Variants in RBPJ observed in about 807,000 individuals in gnomAD.
RBPJ encodes recombination signal binding protein for immunoglobulin kappa J region.
A neutral mutation model predicts 67.8 loss-of-function variants in RBPJ; 9 were observed. That is an observed-to-expected ratio of 0.13 (90% confidence interval 0.08 to 0.23). The LOEUF (loss-of-function observed/expected upper bound fraction) is 0.23, where lower values mean the gene tolerates loss of function less well. RBPJ is among the 10% of genes least tolerant of loss of function. The pLI is 1.00. For synonymous variants in RBPJ, 198 were observed against 203.3 expected (o/e 0.97, Z 0.22); for missense variants, 305 against 595.6 (o/e 0.51, Z 5.08).
chr4:26,210,696 T>C (rs1203561772), intron 1 of RBPJ, among the ~76,000 whole-genome samples: 12 of 113,782 alleles, frequency 1.1e-4, no homozygotes, highest in South Asian at 3.1e-4. Flanking sequence ...CCTTTCTTTC[T>C]TTCTTTCTTT....
chr4:26,237,679 G>A (rs1719497375), intron 1 of RBPJ, among the ~76,000 whole-genome samples: 2 of 152,142 alleles, frequency 1.3e-5, no homozygotes, highest in Admixed American at 6.5e-5. Flanking sequence ...ATGATCACGA[G>A]AAAATCACTT....
the RBPJ span, among the ~76,000 whole-genome samples, chr4:26,146,354 A>C: frequency 2.0e-5 from 3 of 152,216 alleles, no homozygotes; most frequent in African/African-American, 7.2e-5. Flanking sequence ...AAAAAGATGA[A>C]CTTAGACCCT....
chr4:26,210,954 T>C (rs1718401050), intron 1 of RBPJ, among the ~76,000 whole-genome samples: 1 of 151,946 alleles, frequency 6.6e-6, no homozygotes, highest in Non-Finnish European at 1.5e-5. Context: ...ATTTTTCTCC[T>C]TAAGTAGTCC....
At chr4:26,287,673 AGAAAG>A (rs1403223874) in intron 1 of RBPJ, among the ~76,000 whole-genome samples, 5 of 112,424 alleles carry the variant, frequency 4.4e-5, no homozygotes, top group Non-Finnish European at 7.0e-5. Context: ...AGAAAAGAAA[AGAAAG>A]GAAAGGAAGG....
chr4:26,303,456 GAA>G (rs1722143435), intron 1 of RBPJ, among the ~76,000 whole-genome samples: 1 of 137,146 alleles, frequency 7.3e-6, no homozygotes, highest in Non-Finnish European at 1.6e-5. Flanking sequence ...AAAAAAAAAA[GAA>G]AGAAAAAAAA....
chr4:26,358,646 C>T (rs1277496714), intron 1 of RBPJ, among the ~76,000 whole-genome samples: 4 of 147,006 alleles, frequency 2.7e-5, no homozygotes, highest in African/African-American at 1.0e-4. Flanking sequence ...TAGTGGGGTA[C>T]GTGGTGCATG....
intron 1 of RBPJ, among the ~76,000 whole-genome samples, chr4:26,273,116 C>A (rs998711282): frequency 4.6e-5 from 7 of 152,196 alleles, no homozygotes; most frequent in African/African-American, 7.2e-5. Context: ...CAAGTTTACT[C>A]ATTTGCAGGA....
chr4:26,238,076 T>C (rs539875615), intron 1 of RBPJ, among the ~76,000 whole-genome samples: 2 of 152,288 alleles, frequency 1.3e-5, no homozygotes, highest in African/African-American at 4.8e-5. Context: ...CATTTGTTTG[T>C]TTTGAGACAG....
At chr4:26,371,132 C>T (rs1243359313) in intron 1 of RBPJ, among the ~76,000 whole-genome samples, 2 of 151,604 alleles carry the variant, frequency 1.3e-5, no homozygotes, top group African/African-American at 4.8e-5. Context: ...TTTTTTTCTC[C>T]ATCGTGGAAA....
At chr4:26,244,272 T>TATGTGTACAC (rs1719779281) in intron 1 of RBPJ, among the ~76,000 whole-genome samples, 1 of 18,112 alleles carries the variant, frequency 5.5e-5, no homozygotes, top group Non-Finnish European at 1.3e-4. Flanking sequence ...TGTGTACACA[T>TATGTGTACAC]ATATGTGTGT....
intron 1 of RBPJ, among the ~76,000 whole-genome samples, chr4:26,191,137 A>G: frequency 8.2e-6 from 1 of 122,162 alleles, no homozygotes. Flanking sequence ...GGGCAACGGA[A>G]TGAGACCCTG....
At chr4:26,111,340 A>C in the RBPJ span, among the ~76,000 whole-genome samples, 2 of 152,272 alleles carry the variant, frequency 1.3e-5, no homozygotes, top group South Asian at 2.1e-4. Context: ...TGAAGGGAAC[A>C]TGCTCCCTTC....
intron 1 of RBPJ, among the ~76,000 whole-genome samples, chr4:26,199,996 AG>A (rs1717924519): frequency 1.3e-5 from 2 of 152,148 alleles, no homozygotes; most frequent in African/African-American, 4.8e-5. Flanking sequence ...TTGATGATGG[AG>A]GCCGGTGCCA....
At chr4:26,401,099 ATAATAG>A (rs1314938024) in intron 2 of RBPJ, among the ~76,000 whole-genome samples, 1 of 152,208 alleles carries the variant, frequency 6.6e-6, no homozygotes, top group Non-Finnish European at 1.5e-5. Flanking sequence ...TTCTAAGGAA[ATAATAG>A]TAATAGCTCG....
chr4:26,227,744 T>C (rs16878195), intron 1 of RBPJ, among the ~76,000 whole-genome samples: 7,990 of 152,284 alleles, frequency 0.052, 706 homozygotes, highest in African/African-American at 0.18. Context: ...AATTCACCAG[T>C]GAAGAGCAGA....
chr4:26,155,529 G>A, the RBPJ span, among the ~76,000 whole-genome samples: 7 of 151,588 alleles, frequency 4.6e-5, no homozygotes, highest in Non-Finnish European at 7.4e-5. Flanking sequence ...CCACCTCCTG[G>A]GTTCAAGCGA....
intron 1 of RBPJ, among the ~76,000 whole-genome samples, chr4:26,223,895 C>T (rs1439133466): frequency 6.6e-6 from 1 of 152,176 alleles, no homozygotes; most frequent in Non-Finnish European, 1.5e-5. Flanking sequence ...AGTTGGAATC[C>T]ATGCTCTATA....
At chr4:26,341,531 T>G (rs966074940) in intron 1 of RBPJ, among the ~76,000 whole-genome samples, 1 of 152,094 alleles carries the variant, frequency 6.6e-6, no homozygotes, top group African/African-American at 2.4e-5. Context: ...GAAGAATCAC[T>G]TGTTACCTGG....
At chr4:26,377,910 C>G (rs1396127281) in intron 1 of RBPJ, among the ~76,000 whole-genome samples, 1 of 152,258 alleles carries the variant, frequency 6.6e-6, no homozygotes, top group East Asian at 1.9e-4. Flanking sequence ...TTATATAATG[C>G]ATTTTAAAGC....
Sources: gnomAD v4.1 joint callset for allele counts (sites outside exome capture counted in the v4.1 genomes callset) on GRCh38, gnomAD v4.1.1 for gene constraint, MANE v1.5 for transcripts, NCBI Gene and HGNC (gene_info 2026-07-23, HGNC 2026-07-21) for gene names.